DMD: variants seen among roughly 807,000 people sequenced by gnomAD.
DMD encodes mutant dystrophin.
Under a neutral mutation model 330.1 loss-of-function variants are expected in DMD, and 63 were observed. The observed-to-expected ratio is 0.19, with a 90% CI of 0.16 to 0.24. The LOEUF is 0.24. Ranked by LOEUF, DMD falls within the 10% of genes least tolerant of loss-of-function variation. The probability of loss-of-function intolerance (pLI) is 1.00; values close to 1 mark genes in which losing one functional copy is unlikely to be tolerated. For missense variants in DMD, 3,344 were observed against 2,684.1 expected (o/e 1.25, Z -5.43); for synonymous variants, 1,223 against 959.8 (o/e 1.27, Z -5.07).
At chrX:31,878,221 G>C (rs759272671) in intron 47 of DMD, among the ~76,000 whole-genome samples, 28 of 111,653 alleles carry the variant, frequency 2.5e-4, no homozygotes, top group African/African-American at 8.4e-4. Context: ...TTATGATGTT[G>C]CTTTAGGTTT....
intron 55 of DMD, among the ~76,000 whole-genome samples, chrX:31,568,833 T>C (rs1441186264): frequency 9.0e-6 from 1 of 111,621 alleles, no homozygotes; most frequent in Non-Finnish European, 1.9e-5. Context: ...CTCATTCTTC[T>C]CTTTCTTTTT....
At chrX:31,522,862 A>G (rs2072954591) in intron 55 of DMD, among the ~76,000 whole-genome samples, 1 of 111,555 alleles carries the variant, frequency 9.0e-6, no homozygotes, top group African/African-American at 3.3e-5. Context: ...GGTAGCCTGA[A>G]ATAGGGGCGG....
chrX:32,939,202 A>G (rs977128319), intron 2 of DMD, among the ~76,000 whole-genome samples: 3 of 106,787 alleles, frequency 2.8e-5, no homozygotes, highest in African/African-American at 1.0e-4. Flanking sequence ...ATATATGTGT[A>G]TATATATATA....
chrX:32,995,069 C>T (rs753831868), intron 2 of DMD, among the ~76,000 whole-genome samples: 21 of 111,939 alleles, frequency 1.9e-4, no homozygotes, highest in African/African-American at 6.5e-4. Flanking sequence ...GACTCCACTG[C>T]ACTCCAACCT....
intron 55 of DMD, among the ~76,000 whole-genome samples, chrX:31,596,273 T>A (rs1198990420): frequency 8.9e-6 from 1 of 112,244 alleles, no homozygotes; most frequent in Non-Finnish European, 1.9e-5. Flanking sequence ...CTAAGATTTA[T>A]ACAAAGAAGG....
At chrX:31,731,250 A>G (rs138373356) in intron 51 of DMD, among the ~76,000 whole-genome samples, 1,743 of 111,977 alleles carry the variant, frequency 0.016, 34 homozygotes, top group African/African-American at 0.051. Context: ...TGTTTGAAAT[A>G]TGGAACAAAT....
chrX:33,018,454 A>G (rs886198983), intron 2 of DMD, among the ~76,000 whole-genome samples: 2 of 111,938 alleles, frequency 1.8e-5, no homozygotes, highest in African/African-American at 6.5e-5. Context: ...ATATAAATAG[A>G]GGATGGATTG....
intron 11 of DMD, among the ~76,000 whole-genome samples, chrX:32,624,662 G>A (rs1261331449): frequency 9.0e-6 from 1 of 111,622 alleles, no homozygotes; most frequent in Non-Finnish European, 1.9e-5. Flanking sequence ...GGATATCAAT[G>A]CTTCGGATCC....
chrX:31,301,812 G>A (rs531965750), intron 62 of DMD, among the ~76,000 whole-genome samples: 1 of 111,682 alleles, frequency 9.0e-6, no homozygotes, highest in East Asian at 2.8e-4. Context: ...AGGAGAAAGG[G>A]CCTTGGGGCC....
chrX:31,768,861 A>G (rs1392537278), intron 51 of DMD, among the ~76,000 whole-genome samples: 1 of 112,168 alleles, frequency 8.9e-6, no homozygotes, highest in East Asian at 2.8e-4. Context: ...CTTCTAAAAG[A>G]TAATGGTATA....
intron 47 of DMD, among the ~76,000 whole-genome samples, chrX:31,908,004 A>T (rs1158912794): frequency 8.9e-6 from 1 of 112,275 alleles, no homozygotes; most frequent in African/African-American, 3.2e-5. Flanking sequence ...GCAAATCAAA[A>T]CCACAATGAG....
intron 69 of DMD, 133 bp from the exon 70 acceptor site, chrX:31,178,938 G>A: frequency 1.2e-6 from 1 of 807,388 alleles, no homozygotes; most frequent in South Asian, 2.7e-5. Flanking sequence ...AAAGGCTTTG[G>A]AATCAGACAA....
chrX:33,286,061 C>T (rs2053427244), intron 1 of DMD, among the ~76,000 whole-genome samples: 1 of 111,298 alleles, frequency 9.0e-6, no homozygotes, highest in Admixed American at 9.6e-5. Flanking sequence ...ATATTACCAA[C>T]ATATTATCGT....
Position 32,697,867 on chromosome X carries a change from G to T in DMD, c.960+3C>A. ...GTACAACAGAGAGTAAATGTTGACA[G>T]ACCTGTGAAGGAAATGGGCTCCGTG... On this transcript the variant is annotated splice_donor_region_variant and intron_variant, in intron 9 of 78. Coordinates refer to ENST00000357033, the MANE Select transcript of DMD (RefSeq NM_004006.3). 8.3e-7 allele frequency: 1 copy of T among 1,210,487 alleles called. No individual in the cohort carries two copies. Among genetic ancestry groups the T allele is most frequent in the Non-Finnish European group, 1.1e-6 (1 of 894,894 alleles).
chrX:32,483,601 T>G (rs2042131397), intron 21 of DMD, among the ~76,000 whole-genome samples: 1 of 109,186 alleles, frequency 9.2e-6, no homozygotes, highest in Admixed American at 9.9e-5. Flanking sequence ...GTATTTAACT[T>G]TAAGGGGGAG....
At chrX:33,066,060 A>T (rs1370681793) in intron 1 of DMD, among the ~76,000 whole-genome samples, 2 of 1,138 alleles carry the variant, frequency 1.8e-3, no homozygotes, top group African/African-American at 2.7e-3. Context: ...AAAGGATTTA[A>T]AAAAAAAAAA....
chrX:32,338,810 T>C (rs1429610325), intron 41 of DMD, among the ~76,000 whole-genome samples: 2 of 111,579 alleles, frequency 1.8e-5, no homozygotes, highest in Non-Finnish European at 3.8e-5. Flanking sequence ...AGGGGCAGTT[T>C]AGGGAAAATC....
intron 1 of DMD, among the ~76,000 whole-genome samples, chrX:33,046,995 T>C (rs2094391865): frequency 8.9e-6 from 1 of 112,436 alleles, no homozygotes; most frequent in South Asian, 3.6e-4. Flanking sequence ...GCTTACTATG[T>C]GCCACCTACT....
intron 52 of DMD, among the ~76,000 whole-genome samples, chrX:31,709,294 C>T (rs2084429101): frequency 9.0e-6 from 1 of 111,075 alleles, no homozygotes; most frequent in Admixed American, 9.6e-5. Flanking sequence ...ATCAATCAAT[C>T]GAGTCAAATC....
Sources: gnomAD v4.1 joint callset for allele counts (sites outside exome capture counted in the v4.1 genomes callset) on GRCh38, gnomAD v4.1.1 for gene constraint, MANE v1.5 for transcripts, NCBI Gene and HGNC (gene_info 2026-07-23, HGNC 2026-07-21) for gene names.